Variants in GCN1 observed in about 807,000 individuals in gnomAD.
GCN1 encodes the protein GCN1 activator of EIF2AK4.
GCN1 carries 90 observed loss-of-function variants against 288.4 expected under a neutral mutation model. The ratio of observed to expected loss-of-function variants is 0.31; its 90% confidence interval spans 0.26 to 0.37. GCN1 has a LOEUF of 0.37. Among genes scored for constraint, GCN1 ranks in the 10% least tolerant of loss-of-function variants. The probability of loss-of-function intolerance (pLI) is 1.00; values close to 1 mark genes in which losing one functional copy is unlikely to be tolerated. For synonymous variants in GCN1, 1,386 were observed against 1,420.2 expected, an observed-to-expected ratio of 0.98 and a Z score of 0.54; for missense variants, 2,586 against 3,419.9, an observed-to-expected ratio of 0.76 and a Z score of 6.08.
intron 38 of GCN1, among the ~76,000 whole-genome samples, chr12:120,146,038 G>T (rs1011919841): frequency 6.6e-6 from 1 of 152,160 alleles, no homozygotes; most frequent in Non-Finnish European, 1.5e-5. Context: ...AAGTCGAGGC[G>T]GGTGGATCAC....
chr12:120,186,209 C>T (rs551192439), intron 2 of GCN1, among the ~76,000 whole-genome samples: 2 of 152,106 alleles, frequency 1.3e-5, no homozygotes, highest in African/African-American at 4.8e-5. Flanking sequence ...CATGGTGGCA[C>T]GTGTCTGTAA....
intron 15 of GCN1, 79 bp from the exon 16 acceptor site, chr12:120,168,379 G>C: frequency 1.1e-6 from 1 of 888,340 alleles, no homozygotes; most frequent in Non-Finnish European, 1.9e-6. Flanking sequence ...TGAAGCTGCT[G>C]GGGTGGGCTT....
In GCN1 at chr12:120,131,930, C is replaced by T; in HGVS notation, c.7410G>A (p.Leu2470=). 1.3e-6 allele frequency: 2 copies of T among 1,596,430 alleles called. No individual in the cohort carries two copies. Among genetic ancestry groups the T allele is most frequent in the Non-Finnish European group, 1.7e-6 (2 of 1,168,584 alleles). The change falls in exon 54 of 58, where the codon TTG becomes TTA. Residue 2470 remains leucine (L), a synonymous_variant. Coordinates refer to ENST00000300648, the MANE Select transcript of GCN1 (RefSeq NM_006836.2). The part of the protein sequence containing the change: ...EELSAVLQQC[L]LADVSGIDWM... ...GGAACTCTCCAGTGTACTTACCCAG[C>T]AAGCACTGCTGTAGAACGGCACTAA...
chr12:120,134,474 C>G lies in GCN1; in HGVS notation c.7202+59G>C, dbSNP rs1481169169. 2.5e-6 allele frequency: 4 copies of G among 1,592,902 alleles called. No homozygotes were observed. The highest frequency in any genetic ancestry group is 1.3e-5 in the African/African-American group (1 of 74,494). ...ACCACCCCTCCTGCCAGCGCAGGCT[C>G]GGCCCACAGCAACCCCTGGCCTCCT... On this transcript the variant is annotated intron_variant, in intron 52 of 57. Coordinates refer to ENST00000300648, the MANE Select transcript of GCN1 (RefSeq NM_006836.2). This position sits in a 1 kb window ranked among gnomAD's most constrained non-coding sequence, Gnocchi z 5.0.
At position 120,136,633 on chromosome 12, in the gene GCN1, G is replaced by A. The variant is rs760056183; in HGVS notation, c.6877C>T (p.Leu2293=). Residue 2293 remains leucine, a synonymous_variant, in exon 51 of 58, where the codon CTG becomes TTG. Coordinates refer to ENST00000300648, the MANE Select transcript of GCN1 (RefSeq NM_006836.2). ...GGCCTCAGGGCGTCAGCCGAGGTCA[G>A]GCGGATTACCAAGCCTAAGGCTTTG... The part of the protein sequence containing the change: ...AAKALGLVIR[L]TSADALRPSV... 6.2e-7 allele frequency: 1 copy of A among 1,614,194 alleles called. No homozygotes were observed. The highest frequency in any genetic ancestry group is 1.1e-5 in the South Asian group (1 of 91,088).
chr12:120,161,577 C>T lies in GCN1; in HGVS notation c.2349G>A (p.Gln783=), dbSNP rs770210171. The change falls in exon 22 of 58, where the codon CAG becomes CAA. Residue 783 remains glutamine (Q), a synonymous_variant. Coordinates refer to ENST00000300648, the MANE Select transcript of GCN1 (RefSeq NM_006836.2). Reference sequence around the variant, plus strand: ...TGTTGGCCTTTTTTATGCTGTCCTGCTGGGCACTGAAACACCAGAGTGGGT... The same window carrying T: ...TGTTGGCCTTTTTTATGCTGTCCTGTTGGGCACTGAAACACCAGAGTGGGT... ...LYDKSIIQSA[Q]QDSIKKANMK... 5.0e-6 allele frequency: 8 copies of T among 1,612,334 alleles called. No individual in the cohort carries two copies. Among genetic ancestry groups the T allele is most frequent in the Admixed American group, 1.7e-5 (1 of 59,974 alleles).
rs1877041409 is a variant in GCN1, at chr12:120,137,354, A to G, written c.6664-35T>C. ...TCCAGGAAAAAGCGAGAGGATGTAC[A>G]GCCCTCTCAAGACTGCTTCCAAAGA... On this transcript the variant is annotated intron_variant, in intron 49 of 57. Coordinates refer to ENST00000300648, the MANE Select transcript of GCN1 (RefSeq NM_006836.2). This position sits in a 1 kb window ranked among gnomAD's most constrained non-coding sequence, Gnocchi z 5.2. 1.9e-6 allele frequency: 3 copies of G among 1,540,740 alleles called. No individual in the cohort carries two copies. Among genetic ancestry groups the G allele is most frequent in the African/African-American group, 2.7e-5 (2 of 73,478 alleles).
chr12:120,148,409 G>T, intron 36 of GCN1, 63 bp from the exon 37 acceptor site: 1 of 1,384,222 alleles, frequency 7.2e-7, no homozygotes, highest in East Asian at 2.3e-5. Context: ...ACTCACCTGT[G>T]CTGGCTACAT....
At chr12:120,189,076 C>T (rs140722460) in intron 2 of GCN1, among the ~76,000 whole-genome samples, 278 of 152,134 alleles carry the variant, frequency 1.8e-3, no homozygotes, top group Admixed American at 5.3e-3. Context: ...GGCCATGGTT[C>T]CTTTTTTATT....
chr12:120,173,851 T>C, intron 13 of GCN1, 25 bp from the exon 14 acceptor site: 1 of 1,599,262 alleles, frequency 6.3e-7, no homozygotes, highest in Non-Finnish European at 8.6e-7. Context: ...AGAAGTCCAG[T>C]CAGTCCAATG....
At chr12:120,189,334 C>T (rs1878928205) in intron 2 of GCN1, among the ~76,000 whole-genome samples, 1 of 149,196 alleles carries the variant, frequency 6.7e-6, no homozygotes. Context: ...GCCTCCCAAA[C>T]TGTTGGGATT....
intron 57 of GCN1, among the ~76,000 whole-genome samples, chr12:120,128,200 G>A (rs115880781): frequency 0.023 from 3,572 of 152,254 alleles, 166 homozygotes; most frequent in African/African-American, 0.082. Context: ...TATGTTGCCC[G>A]GCTGATCTTG....
rs775612234 is a variant in GCN1 at position 120,168,158 on chromosome 12, A to G, written c.1612+50T>C. 10 of 1,124,922 alleles carry G rather than the reference A, an allele frequency of 8.9e-6. No homozygotes were observed. In the African/African-American group the frequency reaches 9.1e-5, roughly 10 times the overall value. The allele number at this position is 1,124,922 out of a possible 1,614,324, so 69.7% of individuals were successfully genotyped here. A position where few individuals can be genotyped will look rare whatever the true frequency, so the allele number is the denominator to read the frequency against. ...AAAGGGTCCTCTCTGAAGATTTTCCAAAGAGACTTTGCCTCAATCCCGAGT... is the reference window on the plus strand; with the variant it reads ...AAAGGGTCCTCTCTGAAGATTTTCCGAAGAGACTTTGCCTCAATCCCGAGT... On this transcript the variant is annotated intron_variant, in intron 16 of 57. Coordinates refer to ENST00000300648, the MANE Select transcript of GCN1 (RefSeq NM_006836.2).
chr12:120,129,182 G>C (rs1162428058), intron 57 of GCN1, 94 bp downstream of exon 57: 1 of 995,946 alleles, frequency 1.0e-6, no homozygotes, highest in Non-Finnish European at 1.6e-6. Context: ...CGTGGTGGCA[G>C]AGAAGAGCCT....
Position 120,162,895 on chromosome 12 carries a change from G to A in GCN1, c.2115C>T (p.His705=), listed in dbSNP as rs768923543. 1.9e-6 allele frequency: 3 copies of A among 1,614,152 alleles called. No homozygotes were observed. The highest frequency in any genetic ancestry group is 1.1e-5 in the South Asian group (1 of 91,082). ...TCATCCTGGGAATGATCTGATCCAG[G>A]TGCCTGGTGATAAAGGCTTCAGGAT... ...KIDPEAFITR[H]LDQIIPRMTT... Residue 705 remains histidine (H), a synonymous_variant, in exon 20 of 58, where the codon CAC becomes CAT. Coordinates refer to ENST00000300648, the MANE Select transcript of GCN1 (RefSeq NM_006836.2).
chr12:120,168,970 G>T (rs1261141562), intron 15 of GCN1, among the ~76,000 whole-genome samples: 1 of 152,120 alleles, frequency 6.6e-6, no homozygotes, highest in South Asian at 2.1e-4. Context: ...TTAAGTTCAG[G>T]TGTGTCCCAG....
intron 57 of GCN1, among the ~76,000 whole-genome samples, chr12:120,129,028 C>CG (rs1027914320): frequency 6.6e-6 from 1 of 151,820 alleles, no homozygotes; most frequent in Non-Finnish European, 1.5e-5. Flanking sequence ...TTAGTAGAGA[C>CG]GGGGTTTCAC....
chr12:120,169,524 G>A (rs1298763570), intron 15 of GCN1, among the ~76,000 whole-genome samples: 2 of 151,698 alleles, frequency 1.3e-5, no homozygotes, highest in Admixed American at 1.3e-4. Context: ...TTCTTTCTTA[G>A]ACAAAGTCTC....
chr12:120,154,920 G>T, intron 31 of GCN1, 50 bp downstream of exon 31: 1 of 1,513,274 alleles, frequency 6.6e-7, no homozygotes, highest in Non-Finnish European at 9.2e-7. Context: ...CAGCCAACCT[G>T]CCACATCTCA....
Sources: gnomAD v4.1 joint callset for allele counts (sites outside exome capture counted in the v4.1 genomes callset) on GRCh38, gnomAD v4.1.1 for gene constraint, Gnocchi (gnomAD v3.1) non-coding constraint, MANE v1.5 for transcripts, NCBI Gene and HGNC (gene_info 2026-07-23, HGNC 2026-07-21) for gene names.